The following LRMDA variants were observed in gnomAD, a reference collection of about 807,000 sequenced individuals.
LRMDA encodes leucine-rich melanocyte differentiation-associated protein.
Under a neutral mutation model 29.8 loss-of-function variants are expected in LRMDA, and 18 were observed. The observed-to-expected ratio is 0.60, with a 90% CI of 0.42 to 0.90. The LOEUF is 0.90. LRMDA is among the 40% of genes least tolerant of loss of function. The probability of loss-of-function intolerance (pLI) is 0.00; values close to 1 mark genes in which losing one functional copy is unlikely to be tolerated. For synonymous variants in LRMDA, 125 were observed against 109.4 expected, an observed-to-expected ratio of 1.14 and a Z score of -0.89; for missense variants, 273 against 273.9, an observed-to-expected ratio of 1.00 and a Z score of 0.02.
At chr10:76,317,091 C>G (rs1840709116) in intron 5 of LRMDA, among the ~76,000 whole-genome samples, 1 of 152,152 alleles carries the variant, frequency 6.6e-6, no homozygotes, top group Non-Finnish European at 1.5e-5. Context: ...AACCTGAGGG[C>G]TCCAATGCAG....
At chr10:76,482,560 A>G (rs1842742547) in intron 6 of LRMDA, among the ~76,000 whole-genome samples, 1 of 151,874 alleles carries the variant, frequency 6.6e-6, no homozygotes, top group Non-Finnish European at 1.5e-5. Flanking sequence ...TGCTGGATGA[A>G]TATTTCACAG....
chr10:76,059,233 C>T (rs1352329177), intron 5 of LRMDA, among the ~76,000 whole-genome samples: 1 of 152,174 alleles, frequency 6.6e-6, no homozygotes, highest in East Asian at 1.9e-4. Context: ...CCACGGCCCT[C>T]TGAGATATCG....
chr10:76,423,895 C>T (rs1842096141), intron 6 of LRMDA, among the ~76,000 whole-genome samples: 1 of 152,090 alleles, frequency 6.6e-6, no homozygotes, highest in South Asian at 2.1e-4. Flanking sequence ...GGGGAGGTGT[C>T]CATGGTTACT....
intron 2 of LRMDA, among the ~76,000 whole-genome samples, chr10:75,741,782 C>A (rs1286626964): frequency 1.3e-5 from 2 of 152,184 alleles, no homozygotes; most frequent in African/African-American, 4.8e-5. Context: ...CACAGCCAAC[C>A]TTCCTGTTAT....
At position 75,687,751 on chromosome 10, in the gene LRMDA, A is replaced by G. The variant is rs540091738; in HGVS notation, c.131+249257A>G. ...TTTCATAGCAAGAGAGGAGAAGTGA[A>G]TGCCTGGCTTCAAAGCATCAGAGGA... On this transcript the variant is annotated intron_variant, in intron 2 of 6. Coordinates refer to ENST00000611255, the MANE Select transcript of LRMDA (RefSeq NM_001305581.2). Among the ~76,000 whole-genome samples the G allele has an allele frequency of 1.9e-4, 29 of 152,332 alleles. No homozygotes were observed. The South Asian group carries it at 4.1e-3, about 22-fold the overall frequency.
intron 5 of LRMDA, among the ~76,000 whole-genome samples, chr10:76,208,983 G>A (rs1374979212): frequency 1.3e-5 from 2 of 151,944 alleles, no homozygotes; most frequent in African/African-American, 2.4e-5. Context: ...GTGAAACCTT[G>A]TCTCTACTAA....
chr10:75,486,551 G>A (rs1844915824), intron 2 of LRMDA, among the ~76,000 whole-genome samples: 1 of 152,170 alleles, frequency 6.6e-6, no homozygotes, highest in Admixed American at 6.5e-5. Flanking sequence ...GCATTTTGAG[G>A]TGGGATGAGG....
chr10:75,673,861 C>A (rs1841929748), intron 2 of LRMDA, among the ~76,000 whole-genome samples: 1 of 152,182 alleles, frequency 6.6e-6, no homozygotes, highest in Admixed American at 6.5e-5. Flanking sequence ...TCTCTGACTT[C>A]CTATTTGTAT....
intron 2 of LRMDA, among the ~76,000 whole-genome samples, chr10:76,008,333 A>G (rs79989553): frequency 2.6e-4 from 39 of 152,192 alleles, no homozygotes; most frequent in African/African-American, 9.4e-4. Flanking sequence ...CATTGTTTTG[A>G]TTCCCATTGA....
At chr10:76,339,785 C>T (rs1841014729) in intron 6 of LRMDA, among the ~76,000 whole-genome samples, 1 of 151,766 alleles carries the variant, frequency 6.6e-6, no homozygotes, top group Non-Finnish European at 1.5e-5. Flanking sequence ...ATTATAGTTA[C>T]CAGTGCTGTC....
At chr10:75,801,484 G>C (rs1189673523) in intron 2 of LRMDA, among the ~76,000 whole-genome samples, 2 of 152,182 alleles carry the variant, frequency 1.3e-5, no homozygotes, top group Admixed American at 6.5e-5. Flanking sequence ...TTCTGTTTCT[G>C]TCTGCTTTTG....
rs1041623958 is a variant in LRMDA, at chr10:76,492,408, C to T, written c.602-64801C>T. 6.6e-5 allele frequency among the ~76,000 whole-genome samples: 10 copies of T among 152,044 alleles called. No homozygotes were observed. In the South Asian group the frequency reaches 1.2e-3, roughly 19 times the overall value. ...TAAGCCATATCTACATTAAGGAACA[C>T]GCCAAACCCATAACACTATGCTTCT... On this transcript the variant is annotated intron_variant, in intron 6 of 6. Coordinates refer to ENST00000611255, the MANE Select transcript of LRMDA (RefSeq NM_001305581.2).
At chr10:75,838,321 G>A (rs537988844) in intron 2 of LRMDA, among the ~76,000 whole-genome samples, 1 of 152,132 alleles carries the variant, frequency 6.6e-6, no homozygotes, top group South Asian at 2.1e-4. Context: ...AATGTATTGT[G>A]TATCGTCTTA....
intron 2 of LRMDA, among the ~76,000 whole-genome samples, chr10:75,568,443 T>C (rs1266353330): frequency 6.6e-6 from 1 of 152,224 alleles, no homozygotes; most frequent in Admixed American, 6.5e-5. Context: ...GCTGTGTTCG[T>C]AAAATTAAAT....
Position 75,667,220 on chromosome 10 carries a change from ACC to A in LRMDA, c.131+228736_131+228737del, listed in dbSNP as rs34383202. 1.8e-3 allele frequency among the ~76,000 whole-genome samples: 262 copies of A among 149,180 alleles called. 1 individual carries two copies. The highest frequency in any genetic ancestry group is 3.7e-3 in the African/African-American group (150 of 40,262). On this transcript the variant is annotated intron_variant, in intron 2 of 6. Coordinates refer to ENST00000611255, the MANE Select transcript of LRMDA (RefSeq NM_001305581.2). ...TTTGTCCTTTTCTAATGATTTTATA[ACC>A]CCCCCCCCCAAGTAAGAATAAAATT...
chr10:75,760,232 C>T (rs1843079100), intron 2 of LRMDA, among the ~76,000 whole-genome samples: 1 of 152,080 alleles, frequency 6.6e-6, no homozygotes, highest in East Asian at 1.9e-4. Flanking sequence ...ATGTAAATTC[C>T]TATTGAAAGC....
intron 5 of LRMDA, among the ~76,000 whole-genome samples, chr10:76,261,231 AT>A (rs552706079): frequency 0.011 from 1,601 of 146,372 alleles, 12 homozygotes; most frequent in African/African-American, 0.034. Flanking sequence ...CGCCCGGATA[AT>A]TTTTTTTTTT....
chr10:75,673,830 A>G (rs1457630724), intron 2 of LRMDA, among the ~76,000 whole-genome samples: 1 of 152,028 alleles, frequency 6.6e-6, no homozygotes, highest in Non-Finnish European at 1.5e-5. Context: ...ATAACTTCCC[A>G]TCTTTTCTCT....
intron 2 of LRMDA, among the ~76,000 whole-genome samples, chr10:75,877,606 G>A (rs1237452389): frequency 6.6e-6 from 1 of 152,222 alleles, no homozygotes; most frequent in African/African-American, 2.4e-5. Context: ...GGGTATAATA[G>A]TTGGACCTAT....
Sources: gnomAD v4.1 joint callset for allele counts (sites outside exome capture counted in the v4.1 genomes callset) on GRCh38, gnomAD v4.1.1 for gene constraint, MANE v1.5 for transcripts, NCBI Gene and HGNC (gene_info 2026-07-23, HGNC 2026-07-21) for gene names.